The following C15orf61 variants were observed in gnomAD, a reference collection of about 807,000 sequenced individuals.
The protein encoded by C15orf61 is uncharacterized protein C15orf61.
A neutral mutation model predicts 13.7 loss-of-function variants in C15orf61; 12 were observed. That is an observed-to-expected ratio of 0.88 (90% CI 0.56 to 1.42). The LOEUF (loss-of-function observed/expected upper bound fraction) is 1.42, where lower values mean the gene tolerates loss of function less well. C15orf61 is among the 40% of genes most tolerant of loss of function. C15orf61 has a pLI of 0.00. For missense variants in C15orf61, 248 were observed against 213.2 expected, an observed-to-expected ratio of 1.16 and a Z score of -1.02; for synonymous variants, 92 against 94.1, an observed-to-expected ratio of 0.98 and a Z score of 0.13.
Position 67,521,437 on chromosome 15 carries a change from C to T in C15orf61, c.189C>T (p.Phe63=). Residue 63 remains phenylalanine, a synonymous_variant, in exon 1 of 2, where the codon TTC becomes TTT. Coordinates refer to ENST00000342683, the MANE Select transcript of C15orf61 (RefSeq NM_001143936.2). ...ACAGCGCCGTCCGCAACGACCAGTTCGGCCTCTCGCACTTCAACTGGCCGG... is the reference window on the plus strand; with the variant it reads ...ACAGCGCCGTCCGCAACGACCAGTTTGGCCTCTCGCACTTCAACTGGCCGG... ...VPYSAVRNDQ[F]GLSHFNWPVQ... The T allele has an allele frequency of 6.5e-7, 1 of 1,547,176 alleles. No homozygotes were observed. Among genetic ancestry groups the T allele is most frequent in the Non-Finnish European group, 8.7e-7 (1 of 1,146,788 alleles).
In C15orf61 at chr15:67,521,569, C is replaced by A. The variant is rs1317193424; in HGVS notation, c.321C>A (p.Phe107Leu). The stretch of plus-strand genomic sequence containing the variant: ...ACCTGGCCCGGCAGAACCGCTTCTT[C>A]ACGGCGCTCAAGGTCGTCAACCTCG... ...WQDLARQNRF[F>L]TALKVVNLGI... The change falls in exon 1 of 2, where the codon TTC (phenylalanine) becomes TTA (leucine). Residue 107 changes from phenylalanine to leucine, a missense_variant. Coordinates refer to ENST00000342683, the MANE Select transcript of C15orf61 (RefSeq NM_001143936.2). 6 of 1,539,056 alleles carry A rather than the reference C, an allele frequency of 3.9e-6. No homozygotes were observed. Among genetic ancestry groups the A allele is most frequent in the Non-Finnish European group, 5.3e-6 (6 of 1,140,000 alleles).
Position 67,521,218 on chromosome 15 carries a change from A to G in C15orf61, c.-31A>G, listed in dbSNP as rs180737613. ...CGCGCTTGCGCGCCAGCGGCTGCGG[A>G]CACCAGCCTGCGTCCCCGGCGCGGC... On this transcript the variant is annotated 5_prime_UTR_variant, in exon 1 of 2. Coordinates refer to ENST00000342683, the MANE Select transcript of C15orf61 (RefSeq NM_001143936.2). 2,653 of 1,194,208 alleles carry G rather than the reference A, an allele frequency of 2.2e-3. 83 individuals carry two copies. In the East Asian group the frequency reaches 0.067, roughly 30 times the overall value. 74.0% of individuals were successfully genotyped at this position (1,194,208 alleles called of 1,614,324 possible).
intron 1 of C15orf61, 55 bp from the exon 2 acceptor site, chr15:67,526,363 G>A (rs1352315993): frequency 5.9e-6 from 7 of 1,194,044 alleles, no homozygotes; most frequent in Non-Finnish European, 7.1e-6. Context: ...TACGTGATCA[G>A]TAACTTGCAT....
rs994916883 is a variant in C15orf61 at position 67,525,087 on chromosome 15, C to T, written c.347-1331C>T. ...CCAACCTCAGGTGATCCGCCTGCTT[C>T]GGCCTCCCAAAGTGCTGGGATTACA... On this transcript the variant is annotated intron_variant, in intron 1 of 1. Transcript: ENST00000342683. This position sits in a 1 kb window ranked among gnomAD's most constrained non-coding sequence, Gnocchi z 4.9. Among the ~76,000 whole-genome samples, 12 of 152,154 alleles carry T rather than the reference C, an allele frequency of 7.9e-5. No homozygotes were observed. The highest frequency in any genetic ancestry group is 1.9e-4 in the African/African-American group (8 of 41,440).
Position 67,529,936 on chromosome 15 carries a change from C to A in C15orf61, c.*3391C>A, listed in dbSNP as rs559885665. Reference sequence around the variant, plus strand: ...AAAAGCTAATGCAGATAACAGAAACCTTATCCTAAAGCTAGTGGATTAAGT... The same window carrying A: ...AAAAGCTAATGCAGATAACAGAAACATTATCCTAAAGCTAGTGGATTAAGT... On this transcript the variant is annotated 3_prime_UTR_variant, in exon 2 of 2. Transcript: ENST00000342683. This position sits in a 1 kb window ranked among gnomAD's most constrained non-coding sequence, Gnocchi z 4.4. 6.6e-6 allele frequency: 1 copy of A among 152,242 alleles called. No homozygotes were observed. Among genetic ancestry groups the A allele is most frequent in the South Asian group, 2.1e-4 (1 of 4,826 alleles). The allele number at this position is 152,242 out of a possible 1,614,324, so 9.4% of individuals were successfully genotyped here.
At chr15:67,524,387 G>C (rs929490895) in intron 1 of C15orf61, among the ~76,000 whole-genome samples, 2 of 145,006 alleles carry the variant, frequency 1.4e-5, no homozygotes, top group African/African-American at 2.7e-5. Context: ...TGAGCCACTT[G>C]CCTTTTTTTT....
At position 67,526,664 on chromosome 15, in the gene C15orf61, C is replaced by T. The variant is rs1186078006; in HGVS notation, c.*119C>T. 9.8e-7 allele frequency: 1 copy of T among 1,025,542 alleles called. No homozygotes were observed. The highest frequency in any genetic ancestry group is 1.3e-6 in the Non-Finnish European group (1 of 756,734). The allele number at this position is 1,025,542 out of a possible 1,614,324, so 63.5% of individuals were successfully genotyped here. A position where few individuals can be genotyped will look rare whatever the true frequency, so the allele number is the denominator to read the frequency against. ...TACTTTTTTCTTTCTACAGTATCTG[C>T]TTCTTTAAGATGAATCATTGCCCTC... On this transcript the variant is annotated 3_prime_UTR_variant, in exon 2 of 2. Transcript: ENST00000342683.
rs191451233 is a variant in C15orf61, at chr15:67,522,770, A to G, written c.346+1176A>G. Among the ~76,000 whole-genome samples the G allele has an allele frequency of 8.5e-5, 13 of 152,344 alleles. No homozygotes were observed. The East Asian group carries it at 2.5e-3, about 29-fold the overall frequency. ...GTATAAGTTTATTTTAGCATTTTTC[A>G]TAAGTAAGAAATCATTCTTCCCTAA... On this transcript the variant is annotated intron_variant, in intron 1 of 1. Transcript: ENST00000342683.
At position 67,527,752 on chromosome 15, in the gene C15orf61, A is replaced by G. The variant is rs1027284433; in HGVS notation, c.*1207A>G. ...GGCACCAGAATAATGAAGTAATACA[A>G]ACTAGCTTCGTTAAAGGTAGTCATT... On this transcript the variant is annotated 3_prime_UTR_variant, in exon 2 of 2. Coordinates refer to ENST00000342683, the MANE Select transcript of C15orf61 (RefSeq NM_001143936.2). 3 of 152,220 alleles carry G rather than the reference A, an allele frequency of 2.0e-5. No individual in the cohort carries two copies. The highest frequency in any genetic ancestry group is 2.9e-5 in the Non-Finnish European group (2 of 68,028). 9.4% of individuals were successfully genotyped at this position (152,220 alleles called of 1,614,324 possible).
intron 1 of C15orf61, 55 bp downstream of exon 1, chr15:67,521,649 C>T: frequency 1.4e-6 from 2 of 1,395,624 alleles, no homozygotes; most frequent in South Asian, 1.4e-5. Context: ...GGGACGGCCC[C>T]TCAGCCACCG....
chr15:67,526,082 A>G (rs2084197012), intron 1 of C15orf61, among the ~76,000 whole-genome samples: 1 of 152,250 alleles, frequency 6.6e-6, no homozygotes, highest in Non-Finnish European at 1.5e-5. Context: ...AGGAGCGTCT[A>G]CAACTAAATT....
Position 67,529,090 on chromosome 15 carries a change from ATT to A in C15orf61, c.*2549_*2550del, listed in dbSNP as rs1468652131. The stretch of plus-strand genomic sequence containing the variant: ...TTTTCTGTCATATTTCTTTGACAGG[ATT>A]TTTATCTTTAATCCAACCAAAACTG... On this transcript the variant is annotated 3_prime_UTR_variant, in exon 2 of 2. Transcript: ENST00000342683. This position sits in a 1 kb window ranked among gnomAD's most constrained non-coding sequence, Gnocchi z 4.4. 1.3e-5 allele frequency: 2 copies of A among 152,124 alleles called. No individual in the cohort carries two copies. The highest frequency in any genetic ancestry group is 2.9e-5 in the Non-Finnish European group (2 of 68,032). The allele number at this position is 152,124 out of a possible 1,614,324, so 9.4% of individuals were successfully genotyped here.
rs994043659 is a variant in C15orf61 at position 67,525,195 on chromosome 15, G to C, written c.347-1223G>C. Among the ~76,000 whole-genome samples, 6 of 152,186 alleles carry C rather than the reference G, an allele frequency of 3.9e-5. No homozygotes were observed. The highest frequency in any genetic ancestry group is 1.4e-4 in the African/African-American group (6 of 41,438). On this transcript the variant is annotated intron_variant, in intron 1 of 1. Transcript: ENST00000342683. The surrounding 1 kb of genome is among the most constrained non-coding windows in gnomAD (Gnocchi z 4.9). Reference sequence around the variant, plus strand: ...AAATGTACAGCTATCCTTTTAAAGTGTCACTTTCTGCCCATTTCCCACATA... The same window carrying C: ...AAATGTACAGCTATCCTTTTAAAGTCTCACTTTCTGCCCATTTCCCACATA...
At position 67,529,982 on chromosome 15, in the gene C15orf61, T is replaced by C. The variant is rs1265404516; in HGVS notation, c.*3437T>C. ...TAAGTATCTACTGTTACTCAAACAA[T>C]AATGACATTTGGGGGCATCTTAACC... On this transcript the variant is annotated 3_prime_UTR_variant, in exon 2 of 2. Coordinates refer to ENST00000342683, the MANE Select transcript of C15orf61 (RefSeq NM_001143936.2). This position sits in a 1 kb window ranked among gnomAD's most constrained non-coding sequence, Gnocchi z 4.4. The C allele has an allele frequency of 6.6e-6, 1 of 152,216 alleles. No individual in the cohort carries two copies. The highest frequency in any genetic ancestry group is 2.4e-5 in the African/African-American group (1 of 41,460). 9.4% of individuals were successfully genotyped at this position (152,216 alleles called of 1,614,324 possible).
chr15:67,521,990 T>C, intron 1 of C15orf61: 1 of 695,524 alleles, frequency 1.4e-6, no homozygotes, highest in Non-Finnish European at 2.6e-6. Context: ...AACATCACTT[T>C]GCAGCTGCGT....
Position 67,521,512 on chromosome 15 carries a change from C to T in C15orf61, c.264C>T (p.Ile88=), listed in dbSNP as rs1325252766. ...TGCGCACCGGCTGCTTCCCCTTCAT[C>T]AAGTACCACTGCTCCAAGGCTCCCT... ...HVLRTGCFPF[I]KYHCSKAPWQ... is the part of the protein sequence containing the mutation. Residue 88 remains isoleucine (I), a synonymous_variant, in exon 1 of 2, where the codon ATC becomes ATT. Transcript: ENST00000342683. 6.5e-7 allele frequency: 1 copy of T among 1,548,616 alleles called. No individual in the cohort carries two copies. Among genetic ancestry groups the T allele is most frequent in the South Asian group, 1.2e-5 (1 of 84,046 alleles).
intron 1 of C15orf61, among the ~76,000 whole-genome samples, chr15:67,522,955 C>CA (rs572394395): frequency 1.3e-5 from 2 of 151,664 alleles, no homozygotes; most frequent in East Asian, 1.9e-4. Context: ...TTAAGACATC[C>CA]AAAAAAAGTG....
Position 67,521,144 on chromosome 15 carries a change from T to C in C15orf61, c.-105T>C, listed in dbSNP as rs892527242. On this transcript the variant is annotated 5_prime_UTR_variant, in exon 1 of 2. Transcript: ENST00000342683. ...ACGCGCCGCCGCACACCGGGGGCTC[T>C]CGGGCACCCGCGCGGCGCCGGTTGG... 40 of 736,130 alleles carry C rather than the reference T, an allele frequency of 5.4e-5. No homozygotes were observed. The highest frequency in any genetic ancestry group is 6.0e-5 in the Non-Finnish European group (35 of 579,776). 45.6% of individuals were successfully genotyped at this position (736,130 alleles called of 1,614,324 possible). A position where few individuals can be genotyped will look rare whatever the true frequency, so the allele number is the denominator to read the frequency against.
chr15:67,521,591 CT>C lies in C15orf61; in HGVS notation c.344del (p.Leu115ProfsTer29). The C allele has an allele frequency of 1.3e-6, 2 of 1,522,710 alleles. No individual in the cohort carries two copies. Among genetic ancestry groups the C allele is most frequent in the Middle Eastern group, 1.7e-4 (1 of 5,922 alleles). The allele number at this position is 1,522,710 out of a possible 1,614,324, so 94.3% of individuals were successfully genotyped here. On this transcript the variant is annotated frameshift_variant and splice_region_variant, in exon 1 of 2. Transcript: ENST00000342683. LOFTEE classifies it high-confidence loss of function. ...CTTCACGGCGCTCAAGGTCGTCAAC[CT>C]CGGTGAGTGGCGACTGCCGCGCCCA... ...RFFTALKVVN[L>X]GIPTLLYGLG...
Sources: allele counts gnomAD v4.1 joint callset (sites outside exome capture counted in the v4.1 genomes callset), GRCh38; gene constraint gnomAD v4.1.1; non-coding constraint Gnocchi (gnomAD v3.1); transcripts MANE v1.5; gene names NCBI Gene and HGNC (gene_info 2026-07-23, HGNC 2026-07-21).